The following ADAMTS16 variants were observed in gnomAD, a reference collection of about 807,000 sequenced individuals.
ADAMTS16 encodes the protein ADAM metallopeptidase with thrombospondin type 1 motif 16.
A neutral mutation model predicts 145.8 loss-of-function variants in ADAMTS16; 94 were observed. The ratio of observed to expected loss-of-function variants is 0.64; its 90% CI spans 0.55 to 0.77. The LOEUF (loss-of-function observed/expected upper bound fraction) is 0.77, where lower values mean the gene tolerates loss of function less well. Among genes scored for constraint, ADAMTS16 ranks in the 30% least tolerant of loss-of-function variants. The probability of loss-of-function intolerance (pLI) is 0.00; values close to 1 mark genes in which losing one functional copy is unlikely to be tolerated. For missense variants in ADAMTS16, 1,585 were observed against 1,591.5 expected (o/e 1.00, Z 0.07); for synonymous variants, 659 against 604.3 (o/e 1.09, Z -1.33).
Position 5,305,122 on chromosome 5 carries a change from C to CCCCACACCACACACACACAT in ADAMTS16, c.3187-1362_3187-1343dup, listed in dbSNP as rs1561000460. 8.7e-3 allele frequency among the ~76,000 whole-genome samples: 300 copies of CCCCACACCACACACACACAT among 34,460 alleles called. 5 individuals are homozygous for CCCCACACCACACACACACAT. The highest frequency in any genetic ancestry group is 0.015 in the Non-Finnish European group (223 of 14,528). 22.6% of individuals were successfully genotyped at this position (34,460 alleles called of 152,430 possible). ...ACACACATCCCACACCACACACACA[C>CCCCACACCACACACACACAT]CCCACACCACACACACACATCCCAC... On this transcript the variant is annotated intron_variant, in intron 20 of 22. Transcript: ENST00000274181.
In ADAMTS16 at chr5:5,310,995, C is replaced by G. The variant is rs569146397; in HGVS notation, c.3411+4267C>G. Among the ~76,000 whole-genome samples the G allele has an allele frequency of 1.6e-3, 238 of 152,254 alleles. 3 individuals carry two copies. Among genetic ancestry groups the G allele is most frequent in the African/African-American group, 5.4e-3 (224 of 41,554 alleles). On this transcript the variant is annotated intron_variant, in intron 21 of 22. Transcript: ENST00000274181. This position sits in a 1 kb window ranked among gnomAD's most constrained non-coding sequence, Gnocchi z 4.3. ...GATATGTGAGCAGCAGGGGCTGGAT[C>G]TCACTGAATGCCCGTGGCTTCTGCT...
At chr5:5,300,618 T>C (rs1303447148) in intron 18 of ADAMTS16, among the ~76,000 whole-genome samples, 1 of 152,154 alleles carries the variant, frequency 6.6e-6, no homozygotes, top group African/African-American at 2.4e-5. Context: ...ACGATCATGG[T>C]GCTCGGTTTA....
At chr5:5,318,411 C>A (rs1734145518) in intron 22 of ADAMTS16, 130 bp downstream of exon 22, 1 of 987,674 alleles carries the variant, frequency 1.0e-6, no homozygotes, top group Non-Finnish European at 1.4e-6. Context: ...TGCATCTTCT[C>A]CAGTTTTACA....
chr5:5,306,778 G>C (rs1237501348), intron 21 of ADAMTS16, 50 bp downstream of exon 21: 4 of 1,495,934 alleles, frequency 2.7e-6, no homozygotes, highest in Admixed American at 4.6e-5. Flanking sequence ...AGCTTGGCCT[G>C]GGGTTGGCCG....
chr5:5,259,425 G>A (rs536629363), intron 17 of ADAMTS16, among the ~76,000 whole-genome samples: 1 of 152,342 alleles, frequency 6.6e-6, no homozygotes, highest in South Asian at 2.1e-4. Context: ...ACTGTAAAAA[G>A]TATCTGAGAC....
chr5:5,280,486 G>A (rs1485653085), intron 18 of ADAMTS16, among the ~76,000 whole-genome samples: 1 of 152,150 alleles, frequency 6.6e-6, no homozygotes, highest in Non-Finnish European at 1.5e-5. Flanking sequence ...GCATCAACAT[G>A]TGTGCCTAGT....
intron 6 of ADAMTS16, among the ~76,000 whole-genome samples, chr5:5,188,023 ATTATCCT>A (rs1735557645): frequency 6.6e-6 from 1 of 152,134 alleles, no homozygotes; most frequent in Non-Finnish European, 1.5e-5. Context: ...GTGGTAAGAA[ATTATCCT>A]TTAATTGGCC....
At chr5:5,147,795 C>T (rs1043396454) in intron 3 of ADAMTS16, among the ~76,000 whole-genome samples, 8 of 152,198 alleles carry the variant, frequency 5.3e-5, no homozygotes, top group Admixed American at 6.5e-5. Flanking sequence ...GAAATGGAAG[C>T]CATCTGTGTG....
intron 11 of ADAMTS16, among the ~76,000 whole-genome samples, chr5:5,225,421 G>A (rs569289671): frequency 1.3e-5 from 2 of 152,266 alleles, no homozygotes; most frequent in African/African-American, 4.8e-5. Context: ...TGGCCAACAC[G>A]GTGAAACCCT....
chr5:5,277,438 G>A (rs74364870), intron 18 of ADAMTS16, among the ~76,000 whole-genome samples: 1 of 152,286 alleles, frequency 6.6e-6, no homozygotes, highest in East Asian at 1.9e-4. Context: ...AGGCTGACCA[G>A]TGAACGCACA....
At chr5:5,140,814 G>C in intron 2 of ADAMTS16, 48 bp downstream of exon 2, 3 of 1,476,664 alleles carry the variant, frequency 2.0e-6, no homozygotes, top group Middle Eastern at 1.7e-4. Context: ...TTAGCAGCTC[G>C]TAATCTCCGT....
At chr5:5,287,604 C>T (rs73041114) in intron 18 of ADAMTS16, among the ~76,000 whole-genome samples, 9,220 of 152,206 alleles carry the variant, frequency 0.061, 480 homozygotes, top group African/African-American at 0.15. Context: ...AATGATGTGA[C>T]CAAGATATTC....
chr5:5,227,277 G>C (rs1292574856), intron 11 of ADAMTS16, among the ~76,000 whole-genome samples: 1 of 152,238 alleles, frequency 6.6e-6, no homozygotes, highest in African/African-American at 2.4e-5. Context: ...TTTGTGAACA[G>C]TAATCGCCAC....
intron 18 of ADAMTS16, among the ~76,000 whole-genome samples, chr5:5,301,707 G>A (rs1739782070): frequency 6.6e-6 from 1 of 152,184 alleles, no homozygotes; most frequent in Non-Finnish European, 1.5e-5. Flanking sequence ...GGCACAGGAT[G>A]GAGGGTCAAA....
At chr5:5,188,549 G>T (rs1472646231) in intron 6 of ADAMTS16, among the ~76,000 whole-genome samples, 1 of 152,192 alleles carries the variant, frequency 6.6e-6, no homozygotes, top group Non-Finnish European at 1.5e-5. Flanking sequence ...CTGGGCAAAG[G>T]AGAGTGGGTA....
At chr5:5,259,549 G>T (rs1266332692) in intron 17 of ADAMTS16, among the ~76,000 whole-genome samples, 1 of 152,216 alleles carries the variant, frequency 6.6e-6, no homozygotes, top group African/African-American at 2.4e-5. Flanking sequence ...GATTTATTTT[G>T]AGAGCTTCAA....
At chr5:5,298,762 G>A (rs947714391) in intron 18 of ADAMTS16, among the ~76,000 whole-genome samples, 1 of 152,170 alleles carries the variant, frequency 6.6e-6, no homozygotes, top group Non-Finnish European at 1.5e-5. Flanking sequence ...TTTATATGAA[G>A]ACAAGGTTGT....
chr5:5,215,796 GTA>G (rs1371952729), intron 10 of ADAMTS16, among the ~76,000 whole-genome samples: 2 of 113,900 alleles, frequency 1.8e-5, no homozygotes, highest in Non-Finnish European at 3.5e-5. Flanking sequence ...TATATGTGTG[GTA>G]TATATATGTG....
At chr5:5,160,487 A>G (rs567832151) in intron 3 of ADAMTS16, among the ~76,000 whole-genome samples, 1 of 152,296 alleles carries the variant, frequency 6.6e-6, no homozygotes, top group East Asian at 1.9e-4. Flanking sequence ...TACCTCCTCT[A>G]CTAGATGAAG....
Sources: gnomAD v4.1 joint callset for allele counts (sites outside exome capture counted in the v4.1 genomes callset) on GRCh38, gnomAD v4.1.1 for gene constraint, Gnocchi (gnomAD v3.1) non-coding constraint, MANE v1.5 for transcripts, NCBI Gene and HGNC (gene_info 2026-07-23, HGNC 2026-07-21) for gene names.